PTPRN2: variants seen among roughly 807,000 people sequenced by gnomAD.
The protein encoded by PTPRN2 is receptor-type tyrosine-protein phosphatase N2.
In PTPRN2, 74 loss-of-function variants were observed where a neutral mutation model predicts 118.8. That is an observed-to-expected ratio of 0.62 (90% CI 0.52 to 0.76). The LOEUF (loss-of-function observed/expected upper bound fraction) is 0.76, where lower values mean the gene tolerates loss of function less well. PTPRN2 is among the 30% of genes least tolerant of loss of function. PTPRN2 has a pLI of 0.00. For missense variants in PTPRN2, 1,481 were observed against 1,394.4 expected (o/e 1.06, Z -0.99); for synonymous variants, 641 against 608.0 (o/e 1.05, Z -0.80).
chr7:158,199,260 C>G (rs1392228076), intron 4 of PTPRN2, among the ~76,000 whole-genome samples: 6 of 152,148 alleles, frequency 3.9e-5, no homozygotes. Flanking sequence ...GTTCTCTTAG[C>G]CTTTAGCATG....
intron 3 of PTPRN2, among the ~76,000 whole-genome samples, chr7:158,240,149 G>T (rs985408045): frequency 6.6e-6 from 1 of 152,064 alleles, no homozygotes; most frequent in African/African-American, 2.4e-5. Context: ...TTCTTAGGAT[G>T]GCCATTTTTA....
intron 2 of PTPRN2, among the ~76,000 whole-genome samples, chr7:158,343,273 A>G (rs1027264394): frequency 2.0e-5 from 3 of 152,214 alleles, no homozygotes; most frequent in African/African-American, 4.8e-5. Flanking sequence ...GAGAAGATGT[A>G]CAAACAGCTG....
chr7:158,026,626 C>T (rs918766583), intron 11 of PTPRN2, among the ~76,000 whole-genome samples: 16 of 152,202 alleles, frequency 1.1e-4, no homozygotes, highest in Admixed American at 2.6e-4. Flanking sequence ...CCCTCTTCCA[C>T]GTGAGATGGT....
chr7:158,121,229 T>C (rs1056375197), intron 9 of PTPRN2, among the ~76,000 whole-genome samples: 1 of 152,006 alleles, frequency 6.6e-6, no homozygotes, highest in Non-Finnish European at 1.5e-5. Flanking sequence ...CTTGGAGCCA[T>C]TAGGAAGAGG....
At chr7:157,840,880 G>T (rs1461440304) in intron 12 of PTPRN2, among the ~76,000 whole-genome samples, 1 of 152,230 alleles carries the variant, frequency 6.6e-6, no homozygotes, top group Non-Finnish European at 1.5e-5. Flanking sequence ...GAGAGGTGAG[G>T]GGCTGGGCGC....
chr7:158,194,369 T>C (rs937534840), intron 4 of PTPRN2, among the ~76,000 whole-genome samples: 1 of 152,226 alleles, frequency 6.6e-6, no homozygotes, highest in African/African-American at 2.4e-5. Flanking sequence ...ATTAAAAAGA[T>C]GGGCCAGTCT....
intron 2 of PTPRN2, among the ~76,000 whole-genome samples, chr7:158,473,260 A>G (rs1819999584): frequency 6.6e-6 from 1 of 152,172 alleles, no homozygotes; most frequent in Non-Finnish European, 1.5e-5. Context: ...AGATTTCTCT[A>G]AACACTGCAG....
At chr7:158,201,865 G>C (rs536007855) in intron 4 of PTPRN2, among the ~76,000 whole-genome samples, 1 of 152,180 alleles carries the variant, frequency 6.6e-6, no homozygotes, top group South Asian at 2.1e-4. Flanking sequence ...GATGTCTCAC[G>C]CCTCCCTAAA....
At chr7:158,007,297 G>A (rs953032467) in intron 11 of PTPRN2, among the ~76,000 whole-genome samples, 1 of 152,224 alleles carries the variant, frequency 6.6e-6, no homozygotes, top group Non-Finnish European at 1.5e-5. Context: ...GCGGGGTGTG[G>A]CTGGTGCTGG....
intron 4 of PTPRN2, among the ~76,000 whole-genome samples, chr7:158,204,354 G>A (rs1200462803): frequency 6.6e-6 from 1 of 152,240 alleles, no homozygotes; most frequent in Non-Finnish European, 1.5e-5. Flanking sequence ...TTCTCCACAC[G>A]TTCTCACTCT....
chr7:158,556,213 G>A (rs533071633), intron 1 of PTPRN2, among the ~76,000 whole-genome samples: 6 of 152,260 alleles, frequency 3.9e-5, no homozygotes, highest in East Asian at 1.9e-4. Flanking sequence ...ACGATTGACA[G>A]GTAAAGATAG....
At chr7:158,295,205 T>C (rs1800403645) in intron 3 of PTPRN2, among the ~76,000 whole-genome samples, 1 of 103,414 alleles carries the variant, frequency 9.7e-6, no homozygotes, top group Non-Finnish European at 2.0e-5. Context: ...TCTGAGGGTC[T>C]AAGCCCATGG....
chr7:158,089,345 A>C (rs1449484226), intron 10 of PTPRN2, among the ~76,000 whole-genome samples: 5 of 38,260 alleles, frequency 1.3e-4, no homozygotes, highest in African/African-American at 2.4e-4. Context: ...TCTTCCCCTG[A>C]TGAAAGAGGG....
At position 157,978,308 on chromosome 7, in the gene PTPRN2, A is replaced by G. The variant is rs76676779; in HGVS notation, c.1724-79571T>C. Among the ~76,000 whole-genome samples, 1,238 of 152,082 alleles carry G rather than the reference A, an allele frequency of 8.1e-3. 16 individuals are homozygous for G. The highest frequency in any genetic ancestry group is 0.027 in the African/African-American group (1,111 of 41,528). On this transcript the variant is annotated intron_variant, in intron 11 of 22. Transcript: ENST00000389418. The stretch of plus-strand genomic sequence containing the variant: ...CGCCGTCAGGAGTGGCTTTGCAAAG[A>G]CGTCTTATGCTGACCGCATGTCTTT...
chr7:157,894,867 T>A (rs570228148), intron 12 of PTPRN2, among the ~76,000 whole-genome samples: 1 of 152,164 alleles, frequency 6.6e-6, no homozygotes, highest in Non-Finnish European at 1.5e-5. Flanking sequence ...CCACACTTTA[T>A]TGAATGAAGC....
At chr7:158,315,442 T>G (rs1802233811) in intron 3 of PTPRN2, among the ~76,000 whole-genome samples, 1 of 143,704 alleles carries the variant, frequency 7.0e-6, no homozygotes, top group East Asian at 2.2e-4. Flanking sequence ...CAGGACCCCA[T>G]GAAGGACAGA....
At chr7:158,178,609 T>C (rs1338385270) in intron 5 of PTPRN2, among the ~76,000 whole-genome samples, 1 of 143,446 alleles carries the variant, frequency 7.0e-6, no homozygotes, top group African/African-American at 2.6e-5. Context: ...TTTTTTTTTT[T>C]TTTTTTTAAG....
intron 17 of PTPRN2, among the ~76,000 whole-genome samples, chr7:157,594,583 C>T (rs1055371179): frequency 1.3e-5 from 2 of 152,234 alleles, no homozygotes; most frequent in African/African-American, 4.8e-5. Flanking sequence ...GGCTGGTGTG[C>T]CCGACACGCG....
rs1342173132 is a variant in PTPRN2 at position 158,336,444 on chromosome 7, CCA to C, written c.164-19514_164-19513del. ...TGACACCTGCAGACGTCACTCACAC[CCA>C]CACATGTCACTCACACCCACACTCT... On this transcript the variant is annotated intron_variant, in intron 2 of 22. Transcript: ENST00000389418. Among the ~76,000 whole-genome samples, 94 of 102,374 alleles carry C rather than the reference CCA, an allele frequency of 9.2e-4. 4 individuals are homozygous for C. Among genetic ancestry groups the C allele is most frequent in the Admixed American group, 1.3e-3 (14 of 10,520 alleles). 67.2% of individuals were successfully genotyped at this position (102,374 alleles called of 152,430 possible).
Sources: allele counts gnomAD v4.1 joint callset (sites outside exome capture counted in the v4.1 genomes callset), GRCh38; gene constraint gnomAD v4.1.1; transcripts MANE v1.5; gene names NCBI Gene and HGNC (gene_info 2026-07-23, HGNC 2026-07-21).